The following PCDHA2 variants were observed in gnomAD, a reference collection of about 807,000 sequenced individuals.
PCDHA2 encodes protocadherin alpha 2, also known as protocadherin alpha-2.
In PCDHA2, 58 loss-of-function variants were observed where a neutral mutation model predicts 66.0. The ratio of observed to expected loss-of-function variants is 0.88; its 90% CI spans 0.71 to 1.09. PCDHA2 has a LOEUF of 1.09. PCDHA2 is among the 50% of genes least tolerant of loss of function. The pLI is 0.00. For synonymous variants in PCDHA2, 634 were observed against 554.0 expected (o/e 1.14, Z -2.03); for missense variants, 1,267 against 1,242.3 (o/e 1.02, Z -0.30).
chr5:140,844,242 G>T (rs73280579), intron 1 of PCDHA2, among the ~76,000 whole-genome samples: 1 of 149,206 alleles, frequency 6.7e-6, no homozygotes. Flanking sequence ...CACTATTGCC[G>T]TTTTAAGCAG....
intron 1 of PCDHA2, among the ~76,000 whole-genome samples, chr5:140,895,039 C>T (rs1274502441): frequency 6.6e-6 from 1 of 152,060 alleles, no homozygotes. Context: ...GTCCCCCACC[C>T]ACACCATTCT....
chr5:140,916,437 C>T lies in PCDHA2; in HGVS notation c.2389-62512C>T, dbSNP rs77605255. Among the ~76,000 whole-genome samples the T allele has an allele frequency of 8.0e-3, 1,220 of 152,340 alleles. 6 individuals are homozygous for T. The highest frequency in any genetic ancestry group is 0.019 in the African/African-American group (786 of 41,586). Reference sequence around the variant, plus strand: ...AGCACATCTCAGAACCTAAGGCCCACAGTATACTACCTGGATATCACTGCT... The same window carrying T: ...AGCACATCTCAGAACCTAAGGCCCATAGTATACTACCTGGATATCACTGCT... On this transcript the variant is annotated intron_variant, in intron 1 of 3. Coordinates refer to ENST00000526136, the MANE Select transcript of PCDHA2 (RefSeq NM_018905.3).
chr5:140,823,834 G>A (rs1197490910), intron 1 of PCDHA2: 1 of 1,613,838 alleles, frequency 6.2e-7, no homozygotes, highest in Non-Finnish European at 8.5e-7. Context: ...GGGCGCTGTG[G>A]GTCCCGAGGC....
chr5:140,893,862 C>T (rs1376548113), intron 1 of PCDHA2, among the ~76,000 whole-genome samples: 1 of 152,158 alleles, frequency 6.6e-6, no homozygotes, highest in East Asian at 1.9e-4. Flanking sequence ...TGTATAGAAA[C>T]AACCCAGATC....
At position 140,849,867 on chromosome 5, in the gene PCDHA2, T is replaced by C. The variant is rs2150454998; in HGVS notation, c.2388+52515T>C. On this transcript the variant is annotated intron_variant, in intron 1 of 3. Coordinates refer to ENST00000526136, the MANE Select transcript of PCDHA2 (RefSeq NM_018905.3). ...CGACAACGCACCAGCGTTCGCGCAG[T>C]CCGAGTACACGGTGTTCGTGAAGGA... The C allele has an allele frequency of 6.1e-5, 97 of 1,598,416 alleles. 5 individuals carry two copies. Among genetic ancestry groups the C allele is most frequent in the Non-Finnish European group, 6.9e-5 (81 of 1,167,974 alleles).
intron 1 of PCDHA2, among the ~76,000 whole-genome samples, chr5:140,909,351 T>C (rs2153508982): frequency 6.6e-6 from 1 of 152,238 alleles, no homozygotes; most frequent in African/African-American, 2.4e-5. Context: ...TACCAAGAGA[T>C]GTGTTAATTT....
intron 1 of PCDHA2, chr5:140,810,716 A>C (rs2150023636): frequency 6.6e-6 from 1 of 150,586 alleles, no homozygotes; most frequent in African/African-American, 2.4e-5. Flanking sequence ...TTATTTCCTT[A>C]TCTTGTTTTT....
intron 3 of PCDHA2, among the ~76,000 whole-genome samples, chr5:140,996,915 A>G (rs1167259941): frequency 6.6e-6 from 1 of 152,244 alleles, no homozygotes; most frequent in Non-Finnish European, 1.5e-5. Flanking sequence ...TGAAGTAAAT[A>G]TTAAAAAATA....
At chr5:140,836,382 G>T in intron 1 of PCDHA2, 1 of 1,613,752 alleles carries the variant, frequency 6.2e-7, no homozygotes, top group Non-Finnish European at 8.5e-7. Flanking sequence ...CACCGTGCTG[G>T]TGTCGCTGGT....
At chr5:140,862,662 C>A (rs1365074780) in intron 1 of PCDHA2, 3 of 546,742 alleles carry the variant, frequency 5.5e-6, no homozygotes, top group South Asian at 1.4e-5. Flanking sequence ...GGGACCGGGA[C>A]GCGCAGGAGA....
rs2041909016 is a variant in PCDHA2, at chr5:140,850,973, A to G, written c.2388+53621A>G. 2.1e-6 allele frequency: 3 copies of G among 1,455,694 alleles called. No individual in the cohort carries two copies. In the South Asian group the frequency reaches 4.4e-5, roughly 21 times the overall value. 90.2% of individuals were successfully genotyped at this position (1,455,694 alleles called of 1,614,324 possible). A position where few individuals can be genotyped will look rare whatever the true frequency, so the allele number is the denominator to read the frequency against. ...GATTACTCCCAGGGGCCGTTCAAATAGTTTTATTCATTTTTCTAGAAATCC... is the reference window on the plus strand; with the variant it reads ...GATTACTCCCAGGGGCCGTTCAAATGGTTTTATTCATTTTTCTAGAAATCC... On this transcript the variant is annotated intron_variant, in intron 1 of 3. Transcript: ENST00000526136.
intron 1 of PCDHA2, chr5:140,868,929 AG>A: frequency 9.3e-7 from 1 of 1,070,938 alleles, no homozygotes; most frequent in Non-Finnish European, 1.3e-6. Context: ...GTTCATTTAA[AG>A]GTTGGTCTGA....
chr5:140,796,510 A>G lies in PCDHA2; in HGVS notation c.1546A>G (p.Lys516Glu), dbSNP rs1762095220. The change falls in exon 1 of 4, where the codon AAG (lysine) becomes GAG (glutamate). Residue 516 changes from lysine (K) to glutamate (E), a missense_variant. By Grantham distance (56) the Lys-to-Glu change is moderately conservative. Transcript: ENST00000526136. Reference sequence around the variant, plus strand: ...CGTTTCGGTGCACGCGGAGAGCGGCAAGGTGTACGCGCTGCAGCCGCTGGA... The same window carrying G: ...CGTTTCGGTGCACGCGGAGAGCGGCGAGGTGTACGCGCTGCAGCCGCTGGA... ...SYVSVHAESGKVYALQPLDHE... is the reference protein window; with the variant it reads ...SYVSVHAESGEVYALQPLDHE... The G allele has an allele frequency of 6.2e-7, 1 of 1,612,388 alleles. No individual in the cohort carries two copies. The highest frequency in any genetic ancestry group is 8.5e-7 in the Non-Finnish European group (1 of 1,179,826).
chr5:140,946,648 C>A (rs1195536248), intron 1 of PCDHA2, among the ~76,000 whole-genome samples: 2 of 99,274 alleles, frequency 2.0e-5, no homozygotes, highest in African/African-American at 1.2e-4. Flanking sequence ...GAATACTCAT[C>A]AGCCATTAGA....
At chr5:140,990,073 G>A (rs559119700) in intron 3 of PCDHA2, among the ~76,000 whole-genome samples, 6 of 152,178 alleles carry the variant, frequency 3.9e-5, no homozygotes, top group East Asian at 1.9e-4. Context: ...AAATAAGGGG[G>A]ACAAAGGATG....
At chr5:140,884,186 G>T in intron 1 of PCDHA2, 1 of 1,613,444 alleles carries the variant, frequency 6.2e-7, no homozygotes, top group East Asian at 2.2e-5. Context: ...TCTGGACGAG[G>T]TGGACGCGCC....
chr5:140,885,603 T>G (rs2060651521), intron 1 of PCDHA2, among the ~76,000 whole-genome samples: 1 of 152,202 alleles, frequency 6.6e-6, no homozygotes, highest in South Asian at 2.1e-4. Context: ...ATATTAATAA[T>G]TTTAATTATA....
At chr5:140,842,857 G>C in intron 1 of PCDHA2, 1 of 1,594,002 alleles carries the variant, frequency 6.3e-7, no homozygotes, top group Non-Finnish European at 8.6e-7. Flanking sequence ...CGGTGCACAC[G>C]GAGAGCGGCA....
chr5:140,951,659 C>A (rs1293655737), intron 1 of PCDHA2, among the ~76,000 whole-genome samples: 1 of 152,164 alleles, frequency 6.6e-6, no homozygotes, highest in Non-Finnish European at 1.5e-5. Context: ...CCCACCAGGG[C>A]CTGCCTACAA....
Sources: allele counts gnomAD v4.1 joint callset (sites outside exome capture counted in the v4.1 genomes callset), GRCh38; gene constraint gnomAD v4.1.1; transcripts MANE v1.5; gene names NCBI Gene and HGNC (gene_info 2026-07-23, HGNC 2026-07-21).